The following RTN4IP1 variants were observed in gnomAD, a reference collection of about 807,000 sequenced individuals.
RTN4IP1 encodes NAD(P)H oxidoreductase RTN4IP1, mitochondrial.
In RTN4IP1, 32 loss-of-function variants were observed where a neutral mutation model predicts 46.6. The ratio of observed to expected loss-of-function variants is 0.69; its 90% CI spans 0.52 to 0.92. The LOEUF is 0.92. Ranked by LOEUF, RTN4IP1 falls within the 40% of genes least tolerant of loss-of-function variation. The pLI, the probability that RTN4IP1 is intolerant of heterozygous loss-of-function variation, is 0.00. For synonymous variants in RTN4IP1, 167 were observed against 161.8 expected (o/e 1.03, Z -0.24); for missense variants, 424 against 485.8 (o/e 0.87, Z 1.20).
intron 1 of RTN4IP1, among the ~76,000 whole-genome samples, chr6:106,625,652 CTTTT>C (rs1196900070): frequency 3.8e-5 from 5 of 130,290 alleles, no homozygotes; most frequent in African/African-American, 1.2e-4. Context: ...TGGCTTTTTT[CTTTT>C]TTTTCTTTTT....
intron 5 of RTN4IP1, among the ~76,000 whole-genome samples, chr6:106,601,605 T>TTTTTTG (rs537648569): frequency 2.0e-5 from 3 of 151,984 alleles, no homozygotes; most frequent in Non-Finnish European, 2.9e-5. Context: ...CCATTTTGAG[T>TTTTTTG]TTTTTGTTTT....
chr6:106,571,877 T>C lies in RTN4IP1; in HGVS notation c.*119A>G. On this transcript the variant is annotated 3_prime_UTR_variant, in exon 9 of 9. Coordinates refer to ENST00000369063, the MANE Select transcript of RTN4IP1 (RefSeq NM_032730.5). ...TGGTGTGTTTATTTTTTAAAGCTTG[T>C]ATCATGGAATGTATAATCTAATCTG... 1.6e-6 allele frequency: 1 copy of C among 625,434 alleles called. No individual in the cohort carries two copies. 38.7% of individuals were successfully genotyped at this position (625,434 alleles called of 1,614,324 possible). A position where few individuals can be genotyped will look rare whatever the true frequency, so the allele number is the denominator to read the frequency against.
At chr6:106,572,353 A>T in intron 8 of RTN4IP1, 1 of 491,212 alleles carries the variant, frequency 2.0e-6, no homozygotes. Flanking sequence ...CTGGTCTTTC[A>T]CTCTCCTACT....
At chr6:106,593,101 G>A (rs997320119) in intron 5 of RTN4IP1, among the ~76,000 whole-genome samples, 10 of 152,084 alleles carry the variant, frequency 6.6e-5, no homozygotes, top group South Asian at 2.1e-4. Flanking sequence ...ATCAGAAAGC[G>A]TGTCAAAGTA....
chr6:106,629,233 G>A lies in RTN4IP1; in HGVS notation c.-212C>T, dbSNP rs1776743631. On this transcript the variant is annotated 5_prime_UTR_variant, in exon 1 of 9. The change creates a premature stop within an existing upstream ORF in the 5' untranslated region. Coordinates refer to ENST00000369063, the MANE Select transcript of RTN4IP1 (RefSeq NM_032730.5). The stretch of plus-strand genomic sequence containing the variant: ...TCCGCTCTTCGCATATGAAATGCTC[G>A]AATTAACGTTCCAGTCAGTATTCTG... The A allele has an allele frequency of 1.7e-6, 1 of 579,816 alleles. No homozygotes were observed. Among genetic ancestry groups the A allele is most frequent in the East Asian group, 2.8e-5 (1 of 35,466 alleles). 35.9% of individuals were successfully genotyped at this position (579,816 alleles called of 1,614,324 possible).
chr6:106,572,067 T>C lies in RTN4IP1; in HGVS notation c.1120A>G (p.Lys374Glu), dbSNP rs146792329. The change falls in exon 9 of 9, where the codon AAA (lysine) becomes GAA (glutamate). Residue 374 changes from lysine to glutamate, a missense_variant. Lys to Glu is a moderately conservative substitution (Grantham distance 56, BLOSUM62 1). Transcript: ENST00000369063. ...ACCTTCAGGAAGGCTTCTGGAACTTTAGAAAAAGGAAAGGTTTGTTCAATA... is the reference window on the plus strand; with the variant it reads ...ACCTTCAGGAAGGCTTCTGGAACTTCAGAAAAAGGAAAGGTTTGTTCAATA... ...PVIEQTFPFS[K>E]VPEAFLKVER... The C allele has an allele frequency of 2.1e-5, 34 of 1,613,970 alleles. No individual in the cohort carries two copies. The African/African-American group carries it at 4.1e-4, about 20-fold the overall frequency.
intron 5 of RTN4IP1, among the ~76,000 whole-genome samples, chr6:106,595,290 G>A (rs1232407774): frequency 6.6e-6 from 1 of 152,108 alleles, no homozygotes; most frequent in Admixed American, 6.6e-5. Context: ...GATGGATCTG[G>A]AGACTAGATC....
intron 4 of RTN4IP1, among the ~76,000 whole-genome samples, chr6:106,609,597 G>C (rs1474159377): frequency 6.6e-6 from 1 of 152,188 alleles, no homozygotes; most frequent in Non-Finnish European, 1.5e-5. Flanking sequence ...TACCTCAAGT[G>C]AGGGGATCGC....
intron 8 of RTN4IP1, among the ~76,000 whole-genome samples, chr6:106,582,251 C>T (rs903152300): frequency 1.3e-5 from 2 of 152,152 alleles, no homozygotes; most frequent in African/African-American, 4.8e-5. Context: ...TGAAATATGC[C>T]AGCAAGGAGC....
intron 4 of RTN4IP1, among the ~76,000 whole-genome samples, chr6:106,604,366 TAGA>T (rs1776010291): frequency 6.6e-6 from 1 of 152,120 alleles, no homozygotes; most frequent in African/African-American, 2.4e-5. Flanking sequence ...TTATAAAGAC[TAGA>T]AGAAATTTTA....
At chr6:106,606,429 AT>A (rs1776076384) in intron 4 of RTN4IP1, among the ~76,000 whole-genome samples, 1 of 152,216 alleles carries the variant, frequency 6.6e-6, no homozygotes, top group South Asian at 2.1e-4. Flanking sequence ...CCAAAAAGAA[AT>A]TTTTTTAAAT....
rs9486423 is a variant in RTN4IP1, at chr6:106,604,185, C to T, written c.621-1263G>A. Among the ~76,000 whole-genome samples, 19 of 152,192 alleles carry T rather than the reference C, an allele frequency of 1.2e-4. No individual in the cohort carries two copies. The South Asian group carries it at 3.7e-3, about 30-fold the overall frequency. Reference sequence around the variant, plus strand: ...CACCCTAGTTTCATTTCATTTTTTTCTATCTTGCCCAAATCATAGAAGGCT... The same window carrying T: ...CACCCTAGTTTCATTTCATTTTTTTTTATCTTGCCCAAATCATAGAAGGCT... On this transcript the variant is annotated intron_variant, in intron 4 of 8. Transcript: ENST00000369063.
At chr6:106,588,355 AT>A (rs1775537463) in intron 6 of RTN4IP1, among the ~76,000 whole-genome samples, 2 of 152,242 alleles carry the variant, frequency 1.3e-5, no homozygotes, top group African/African-American at 4.8e-5. Flanking sequence ...AAAGTAAAAT[AT>A]GAGATTTTCA....
intron 1 of RTN4IP1, among the ~76,000 whole-genome samples, chr6:106,626,349 G>GA (rs896463269): frequency 2.0e-4 from 29 of 146,842 alleles, no homozygotes; most frequent in Non-Finnish European, 2.7e-4. Context: ...CTCTGTCAGG[G>GA]AAAAAAAAAA....
In RTN4IP1 at chr6:106,592,202, T is replaced by C; in HGVS notation, c.768A>G (p.Lys256=). The part of the protein sequence containing the change: ...KLGADDVIDY[K]SGSVEEQLKS... ...TCAACTGCTCTTCCACACTTCCAGATTTGTAATCAATTACATCGTCTGCAC... is the reference window on the plus strand; with the variant it reads ...TCAACTGCTCTTCCACACTTCCAGACTTGTAATCAATTACATCGTCTGCAC... Residue 256 remains lysine (K), a synonymous_variant, in exon 6 of 9, where the codon AAA becomes AAG. Coordinates refer to ENST00000369063, the MANE Select transcript of RTN4IP1 (RefSeq NM_032730.5). The C allele has an allele frequency of 1.9e-6, 3 of 1,614,176 alleles. No individual in the cohort carries two copies. Among genetic ancestry groups the C allele is most frequent in the Non-Finnish European group, 2.5e-6 (3 of 1,180,026 alleles).
chr6:106,623,088 C>T lies in RTN4IP1; in HGVS notation c.275-119G>A. 6 of 967,346 alleles carry T rather than the reference C, an allele frequency of 6.2e-6. No homozygotes were observed. In the South Asian group the frequency reaches 8.0e-5, roughly 13 times the overall value. 59.9% of individuals were successfully genotyped at this position (967,346 alleles called of 1,614,324 possible). On this transcript the variant is annotated intron_variant, in intron 1 of 8. Coordinates refer to ENST00000369063, the MANE Select transcript of RTN4IP1 (RefSeq NM_032730.5). ...TCAAGATGTAGATTATAAATCATTC[C>T]ATTACAAAGACACATAAGTGTATGT... is the stretch of plus-strand genomic sequence containing the variant.
chr6:106,587,450 A>G, intron 7 of RTN4IP1, among the ~76,000 whole-genome samples: 1 of 152,202 alleles, frequency 6.6e-6, no homozygotes, highest in East Asian at 1.9e-4. Flanking sequence ...TAACAGCCTC[A>G]TTTTACAGGG....
Position 106,571,216 on chromosome 6 carries a change from A to C in RTN4IP1, c.*780T>G, listed in dbSNP as rs1474877245. ...AGCATAAACAAATGAATCACCAGGC[A>C]GATTTTTATATATGACACTAAGAGA... On this transcript the variant is annotated 3_prime_UTR_variant, in exon 9 of 9. Transcript: ENST00000369063. 1 of 152,242 alleles carries C rather than the reference A, an allele frequency of 6.6e-6. No homozygotes were observed. Among genetic ancestry groups the C allele is most frequent in the East Asian group, 1.9e-4 (1 of 5,202 alleles). 9.4% of individuals were successfully genotyped at this position (152,242 alleles called of 1,614,324 possible).
intron 1 of RTN4IP1, 92 bp downstream of exon 1, chr6:106,628,656 T>C (rs1776721038): frequency 1.2e-5 from 14 of 1,207,514 alleles, no homozygotes; most frequent in Non-Finnish European, 1.6e-5. Context: ...TTCATTTATG[T>C]AAACCAAAGA....
Sources: allele counts gnomAD v4.1 joint callset (sites outside exome capture counted in the v4.1 genomes callset), GRCh38; gene constraint gnomAD v4.1.1; transcripts MANE v1.5; gene names NCBI Gene and HGNC (gene_info 2026-07-23, HGNC 2026-07-21).